Variants in DIP2B observed in about 807,000 individuals in gnomAD.
The protein encoded by DIP2B is DIP2 acetate--CoA ligase B (putative), also known as disco-interacting protein 2 homolog B.
In DIP2B, 76 loss-of-function variants were observed where a neutral mutation model predicts 198.0. That is an observed-to-expected ratio of 0.38 (90% CI 0.32 to 0.46). The LOEUF (loss-of-function observed/expected upper bound fraction) is 0.46. Among genes scored for constraint, DIP2B ranks in the 20% least tolerant of loss-of-function variants. DIP2B has a pLI of 0.99. For synonymous variants in DIP2B, 701 were observed against 739.1 expected (o/e 0.95, Z 0.84); for missense variants, 1,559 against 1,978.4 (o/e 0.79, Z 4.02).
chr12:50,727,352 A>G (rs542042300), intron 28 of DIP2B, among the ~76,000 whole-genome samples: 1 of 152,348 alleles, frequency 6.6e-6, no homozygotes, highest in South Asian at 2.1e-4. Flanking sequence ...TTCATTTTAG[A>G]GAAAAAGAAA....
At chr12:50,609,675 AC>A (rs904164468) in intron 1 of DIP2B, among the ~76,000 whole-genome samples, 1 of 152,198 alleles carries the variant, frequency 6.6e-6, no homozygotes, top group African/African-American at 2.4e-5. Flanking sequence ...GACCGTACCT[AC>A]CTATGAGGGG....
chr12:50,604,769 G>A (rs1170433586), intron 1 of DIP2B, among the ~76,000 whole-genome samples: 1 of 152,044 alleles, frequency 6.6e-6, no homozygotes, highest in Non-Finnish European at 1.5e-5. Flanking sequence ...CAGATGAAGC[G>A]ATATGCCTGA....
intron 1 of DIP2B, among the ~76,000 whole-genome samples, chr12:50,623,289 C>T (rs1041638682): frequency 6.6e-6 from 1 of 151,862 alleles, no homozygotes; most frequent in African/African-American, 2.4e-5. Flanking sequence ...GGGAAGATCC[C>T]TTGAGCCCAG....
At chr12:50,562,087 T>C (rs1958523738) in intron 1 of DIP2B, among the ~76,000 whole-genome samples, 1 of 152,214 alleles carries the variant, frequency 6.6e-6, no homozygotes, top group Non-Finnish European at 1.5e-5. Context: ...TTGAAATCAA[T>C]TTCTAAAGTG....
At chr12:50,575,923 A>C (rs1958655864) in intron 1 of DIP2B, among the ~76,000 whole-genome samples, 1 of 151,840 alleles carries the variant, frequency 6.6e-6, no homozygotes. Context: ...ACACCCAGCT[A>C]ATTTCTATAT....
In DIP2B at chr12:50,747,599, T is replaced by TA. The variant is rs1565890109; in HGVS notation, c.*2761dup. ...TGTTCTCTTGATGACACAGTGCTCC[T>TA]ACTCTATCCACATTAAGTAGCACTT... On this transcript the variant is annotated 3_prime_UTR_variant, in exon 38 of 38. Coordinates refer to ENST00000301180, the MANE Select transcript of DIP2B (RefSeq NM_173602.3). 2 of 152,270 alleles carry TA rather than the reference T, an allele frequency of 1.3e-5. No homozygotes were observed. Among genetic ancestry groups the TA allele is most frequent in the African/African-American group, 4.8e-5 (2 of 41,472 alleles). 9.4% of individuals were successfully genotyped at this position (152,270 alleles called of 1,614,324 possible). A position where few individuals can be genotyped will look rare whatever the true frequency, so the allele number is the denominator to read the frequency against.
intron 26 of DIP2B, among the ~76,000 whole-genome samples, chr12:50,722,844 G>T (rs1375461490): frequency 6.6e-6 from 1 of 151,990 alleles, no homozygotes; most frequent in Non-Finnish European, 1.5e-5. Flanking sequence ...AGAAGCTCAG[G>T]GCTTCCTCAC....
intron 27 of DIP2B, 104 bp from the exon 28 acceptor site, chr12:50,724,671 C>A: frequency 1.2e-6 from 1 of 867,662 alleles, no homozygotes; most frequent in Non-Finnish European, 1.9e-6. Flanking sequence ...TGAAACTGTC[C>A]TGTCCAGTGT....
At chr12:50,596,263 TAAA>T (rs1958877626) in intron 1 of DIP2B, among the ~76,000 whole-genome samples, 1 of 152,120 alleles carries the variant, frequency 6.6e-6, no homozygotes, top group African/African-American at 2.4e-5. Flanking sequence ...AAACAAAAAA[TAAA>T]AAATTGGGAG....
At chr12:50,541,406 T>TC (rs909233475) in intron 1 of DIP2B, among the ~76,000 whole-genome samples, 1 of 149,908 alleles carries the variant, frequency 6.7e-6, no homozygotes, top group Non-Finnish European at 1.5e-5. Context: ...GAACATTCTT[T>TC]TTTTTTTTTT....
intron 1 of DIP2B, among the ~76,000 whole-genome samples, chr12:50,545,398 CT>C (rs1958368046): frequency 1.3e-5 from 2 of 148,942 alleles, no homozygotes; most frequent in Non-Finnish European, 3.0e-5. Flanking sequence ...CTCCCTCCCC[CT>C]CCCCTCCGTT....
At position 50,653,630 on chromosome 12, in the gene DIP2B, C is replaced by T. The variant is rs573202363; in HGVS notation, c.302-6564C>T. Reference sequence around the variant, plus strand: ...GTGCTGAGATTACAGGCATGAGCCTCTGTACCCAGCCCATAGTCTCTTATA... The same window carrying T: ...GTGCTGAGATTACAGGCATGAGCCTTTGTACCCAGCCCATAGTCTCTTATA... On this transcript the variant is annotated intron_variant, in intron 3 of 37. Coordinates refer to ENST00000301180, the MANE Select transcript of DIP2B (RefSeq NM_173602.3). Among the ~76,000 whole-genome samples, 3 of 152,176 alleles carry T rather than the reference C, an allele frequency of 2.0e-5. No homozygotes were observed. The South Asian group carries it at 6.2e-4, about 32-fold the overall frequency.
chr12:50,651,565 C>T (rs1593688075), intron 3 of DIP2B, among the ~76,000 whole-genome samples: 1 of 152,152 alleles, frequency 6.6e-6, no homozygotes, highest in East Asian at 1.9e-4. Flanking sequence ...GTTTTCCTAA[C>T]ACATTTGTTG....
chr12:50,578,321 G>A (rs896751907), intron 1 of DIP2B, among the ~76,000 whole-genome samples: 2 of 151,190 alleles, frequency 1.3e-5, no homozygotes, highest in East Asian at 2.0e-4. Flanking sequence ...TTTATACTTC[G>A]AATGGATGTG....
chr12:50,566,971 CAA>C (rs34854416), intron 1 of DIP2B, among the ~76,000 whole-genome samples: 19 of 78,438 alleles, frequency 2.4e-4, no homozygotes, highest in Middle Eastern at 5.9e-3. Flanking sequence ...GACTCCGTCT[CAA>C]AAAAAAAAAA....
In DIP2B at chr12:50,660,282, A is replaced by G. The variant is rs1938622816; in HGVS notation, c.390A>G (p.Thr130=). Residue 130 remains threonine, a synonymous_variant, in exon 4 of 38, where the codon ACA becomes ACG. Coordinates refer to ENST00000301180, the MANE Select transcript of DIP2B (RefSeq NM_173602.3). ...CCATGCCAACCAAAAGGCGATCCAC[A>G]TTTGTTCAGTCTCCTGCAGATGCCT... The part of the protein sequence containing the change: ...ALPMPTKRRS[T]FVQSPADACT... 1 of 1,612,306 alleles carries G rather than the reference A, an allele frequency of 6.2e-7. No individual in the cohort carries two copies. The highest frequency in any genetic ancestry group is 1.3e-5 in the African/African-American group (1 of 74,872).
chr12:50,528,785 CA>C (rs1288618868), intron 1 of DIP2B, among the ~76,000 whole-genome samples: 1 of 152,076 alleles, frequency 6.6e-6, no homozygotes, highest in African/African-American at 2.4e-5. Flanking sequence ...GGAGGTTTAG[CA>C]AGAAATCTAG....
At chr12:50,548,327 G>A (rs1958394946) in intron 1 of DIP2B, among the ~76,000 whole-genome samples, 1 of 151,934 alleles carries the variant, frequency 6.6e-6, no homozygotes, top group Non-Finnish European at 1.5e-5. Context: ...GGGAGATAAG[G>A]ATCCAGCTAG....
chr12:50,552,513 G>T (rs1196320128), intron 1 of DIP2B, among the ~76,000 whole-genome samples: 1 of 151,942 alleles, frequency 6.6e-6, no homozygotes, highest in Non-Finnish European at 1.5e-5. Context: ...TGATCCACCC[G>T]CCTCGGCCTC....
Sources: gnomAD v4.1 joint callset for allele counts (sites outside exome capture counted in the v4.1 genomes callset) on GRCh38, gnomAD v4.1.1 for gene constraint, MANE v1.5 for transcripts, NCBI Gene and HGNC (gene_info 2026-07-23, HGNC 2026-07-21) for gene names.